The following FSTL5 variants were observed in gnomAD, a reference collection of about 807,000 sequenced individuals.
The protein encoded by FSTL5 is follistatin-related protein 5.
In FSTL5, 62 loss-of-function variants were observed where a neutral mutation model predicts 89.1. That is an observed-to-expected ratio of 0.70 (90% CI 0.57 to 0.86). The LOEUF (loss-of-function observed/expected upper bound fraction) is 0.86, where lower values mean the gene tolerates loss of function less well. Ranked by LOEUF, FSTL5 falls within the 40% of genes least tolerant of loss-of-function variation. The probability of loss-of-function intolerance (pLI) is 0.00; values close to 1 mark genes in which losing one functional copy is unlikely to be tolerated. For missense variants in FSTL5, 1,057 were observed against 1,001.6 expected, an observed-to-expected ratio of 1.06 and a Z score of -0.75; for synonymous variants, 383 against 346.2, an observed-to-expected ratio of 1.11 and a Z score of -1.18.
At chr4:161,785,977 G>T (rs1741890441) in intron 4 of FSTL5, among the ~76,000 whole-genome samples, 1 of 152,098 alleles carries the variant, frequency 6.6e-6, no homozygotes, top group African/African-American at 2.4e-5. Flanking sequence ...TTCTTCTACA[G>T]TTTATACATC....
intron 3 of FSTL5, among the ~76,000 whole-genome samples, chr4:161,942,409 G>T (rs1302990285): frequency 1.3e-5 from 2 of 151,706 alleles, no homozygotes; most frequent in African/African-American, 4.8e-5. Context: ...TTAAAAAGAA[G>T]ATTCAAATTA....
At position 162,068,106 on chromosome 4, in the gene FSTL5, C is replaced by T. The variant is rs191978186; in HGVS notation, c.127-34448G>A. 2.2e-3 allele frequency among the ~76,000 whole-genome samples: 339 copies of T among 152,154 alleles called. 1 individual carries two copies. Among genetic ancestry groups the T allele is most frequent in the Admixed American group, 5.9e-3 (90 of 15,238 alleles). ...GCTCATGAATAAGAAGAATCAATATCATGAAAATGACCATACTGCTCAAAG... is the reference window on the plus strand; with the variant it reads ...GCTCATGAATAAGAAGAATCAATATTATGAAAATGACCATACTGCTCAAAG... On this transcript the variant is annotated intron_variant, in intron 2 of 15. Coordinates refer to ENST00000306100, the MANE Select transcript of FSTL5 (RefSeq NM_020116.5).
At chr4:162,088,293 T>C (rs1353536161) in intron 2 of FSTL5, among the ~76,000 whole-genome samples, 1 of 152,070 alleles carries the variant, frequency 6.6e-6, no homozygotes, top group East Asian at 1.9e-4. Flanking sequence ...GCCCCACTCA[T>C]CTTTTTTATA....
chr4:161,442,979 T>C (rs549023695), intron 15 of FSTL5, among the ~76,000 whole-genome samples: 2 of 152,110 alleles, frequency 1.3e-5, no homozygotes, highest in East Asian at 3.9e-4. Context: ...AGTAATGTAA[T>C]CATAACTTAT....
At chr4:161,910,229 T>C (rs1462071245) in intron 4 of FSTL5, among the ~76,000 whole-genome samples, 2 of 152,104 alleles carry the variant, frequency 1.3e-5, no homozygotes, top group South Asian at 2.1e-4. Flanking sequence ...TCTGCTCTTC[T>C]TCATGACCTC....
chr4:161,550,688 T>G (rs1204893826), intron 8 of FSTL5, among the ~76,000 whole-genome samples: 2 of 151,912 alleles, frequency 1.3e-5, no homozygotes, highest in Non-Finnish European at 2.9e-5. Context: ...ACCCACTAAC[T>G]CGTCATCTAG....
chr4:161,688,577 A>G (rs144856989), intron 6 of FSTL5, among the ~76,000 whole-genome samples: 1 of 152,304 alleles, frequency 6.6e-6, no homozygotes, highest in Non-Finnish European at 1.5e-5. Context: ...GTTGGCAAAG[A>G]GATTAGGGCC....
chr4:161,711,298 G>A (rs1054577762), intron 6 of FSTL5, among the ~76,000 whole-genome samples: 2 of 151,674 alleles, frequency 1.3e-5, no homozygotes, highest in African/African-American at 2.4e-5. Flanking sequence ...AAAGAGAAAA[G>A]GCTCAAGCTA....
intron 2 of FSTL5, among the ~76,000 whole-genome samples, chr4:162,084,242 G>A (rs1014787014): frequency 9.2e-5 from 14 of 151,810 alleles, no homozygotes; most frequent in Non-Finnish European, 1.9e-4. Flanking sequence ...ATTGGTCAAC[G>A]TCTATACAAT....
At chr4:161,836,444 T>TA (rs923166952) in intron 4 of FSTL5, among the ~76,000 whole-genome samples, 1 of 147,766 alleles carries the variant, frequency 6.8e-6, no homozygotes, top group Non-Finnish European at 1.5e-5. Context: ...ACCTAAAACT[T>TA]AAAGTATAAC....
intron 4 of FSTL5, among the ~76,000 whole-genome samples, chr4:161,882,758 A>G (rs778587663): frequency 1.8e-4 from 28 of 152,020 alleles, no homozygotes; most frequent in Non-Finnish European, 8.8e-5. Flanking sequence ...TTTCATTTCC[A>G]TTTACAGTGG....
intron 3 of FSTL5, among the ~76,000 whole-genome samples, chr4:161,944,562 C>T (rs999675588): frequency 6.6e-6 from 1 of 151,540 alleles, no homozygotes; most frequent in African/African-American, 2.4e-5. Context: ...TCAGACTATG[C>T]TATAATATTA....
At chr4:161,818,964 C>T (rs74618722) in intron 4 of FSTL5, among the ~76,000 whole-genome samples, 7,956 of 151,888 alleles carry the variant, frequency 0.052, 236 homozygotes, top group Non-Finnish European at 0.071. Flanking sequence ...ATAACTTAAG[C>T]CTCACTCTCT....
Position 161,939,295 on chromosome 4 carries a change from C to T in FSTL5, c.161-18643G>A, listed in dbSNP as rs75202659. On this transcript the variant is annotated intron_variant, in intron 3 of 15. Coordinates refer to ENST00000306100, the MANE Select transcript of FSTL5 (RefSeq NM_020116.5). ...CCATGTATTAAATTGGAACAGTGAGCAAAAAATATAATGATTAAAAGGCAT... is the reference window on the plus strand; with the variant it reads ...CCATGTATTAAATTGGAACAGTGAGTAAAAAATATAATGATTAAAAGGCAT... 0.013 allele frequency among the ~76,000 whole-genome samples: 1,982 copies of T among 151,736 alleles called. 126 individuals are homozygous for T. In the East Asian group the frequency reaches 0.2, roughly 16 times the overall value.
intron 8 of FSTL5, among the ~76,000 whole-genome samples, chr4:161,564,208 T>C (rs1260639009): frequency 6.6e-6 from 1 of 151,422 alleles, no homozygotes; most frequent in African/African-American, 2.4e-5. Context: ...TTATAAATTA[T>C]GCATGTGTAT....
intron 8 of FSTL5, among the ~76,000 whole-genome samples, chr4:161,572,090 A>T (rs971712595): frequency 6.6e-6 from 1 of 151,988 alleles, no homozygotes; most frequent in African/African-American, 2.4e-5. Flanking sequence ...CGGGTGGATC[A>T]CCTGGGGTCA....
At chr4:161,666,931 C>G (rs894344762) in intron 6 of FSTL5, among the ~76,000 whole-genome samples, 52 of 151,978 alleles carry the variant, frequency 3.4e-4, no homozygotes, top group Non-Finnish European at 4.4e-4. Flanking sequence ...GAGTAAAAGA[C>G]TTTTCAATGA....
intron 6 of FSTL5, among the ~76,000 whole-genome samples, chr4:161,670,514 T>C (rs972850090): frequency 6.6e-6 from 1 of 152,190 alleles, no homozygotes; most frequent in African/African-American, 2.4e-5. Flanking sequence ...AATCCCTCCA[T>C]GTGGTGTAAT....
chr4:161,732,075 T>C (rs1739629975), intron 6 of FSTL5, among the ~76,000 whole-genome samples: 3 of 91,798 alleles, frequency 3.3e-5, no homozygotes, highest in Non-Finnish European at 9.3e-5. Context: ...GGCAGTTCTA[T>C]ACCGAACTTT....
Sources: allele counts gnomAD v4.1 joint callset (sites outside exome capture counted in the v4.1 genomes callset), GRCh38; gene constraint gnomAD v4.1.1; transcripts MANE v1.5; gene names NCBI Gene and HGNC (gene_info 2026-07-23, HGNC 2026-07-21).